Variants in THSD4 observed in about 807,000 individuals in gnomAD.
The protein encoded by THSD4 is thrombospondin type 1 domain containing 4.
THSD4 carries 69 observed loss-of-function variants against 119.0 expected under a neutral mutation model. The observed-to-expected ratio is 0.58, with a 90% CI of 0.48 to 0.71. The LOEUF (loss-of-function observed/expected upper bound fraction) is 0.71, where lower values mean the gene tolerates loss of function less well. THSD4 is among the 30% of genes least tolerant of loss of function. THSD4 has a pLI of 0.00. For synonymous variants in THSD4, 524 were observed against 540.4 expected (o/e 0.97, Z 0.42); for missense variants, 1,393 against 1,391.1 (o/e 1.00, Z -0.02).
At chr15:71,305,842 A>G (rs1454603052) in intron 6 of THSD4, among the ~76,000 whole-genome samples, 2 of 152,140 alleles carry the variant, frequency 1.3e-5, no homozygotes, top group East Asian at 3.9e-4. Flanking sequence ...AGCCCACTCC[A>G]AATCTATCCT....
intron 6 of THSD4, among the ~76,000 whole-genome samples, chr15:71,403,307 A>G (rs563295459): frequency 1.3e-5 from 2 of 152,304 alleles, no homozygotes; most frequent in South Asian, 4.1e-4. Flanking sequence ...ATTTTCTCCT[A>G]AGGATTGATA....
At chr15:71,772,896 G>A (rs1206838956) in intron 17 of THSD4, among the ~76,000 whole-genome samples, 1 of 152,088 alleles carries the variant, frequency 6.6e-6, no homozygotes, top group Non-Finnish European at 1.5e-5. Context: ...AGAGAAAACA[G>A]TCTGTAAAAA....
intron 7 of THSD4, among the ~76,000 whole-genome samples, chr15:71,551,358 T>A (rs2048925320): frequency 6.6e-6 from 1 of 152,162 alleles, no homozygotes; most frequent in African/African-American, 2.4e-5. Flanking sequence ...AAACAGTGAA[T>A]GATCATGCAA....
chr15:71,375,665 ATAAGT>A (rs547503786), intron 6 of THSD4, among the ~76,000 whole-genome samples: 124 of 152,292 alleles, frequency 8.1e-4, no homozygotes, highest in Middle Eastern at 3.4e-3. Context: ...GCCTTGAAAG[ATAAGT>A]TAAGAACAAG....
intron 9 of THSD4, chr15:71,730,752 A>ACGCC (rs1227423559): frequency 2.1e-5 from 4 of 186,272 alleles, no homozygotes; most frequent in Non-Finnish European, 4.6e-5. Context: ...CCTAGTGTTA[A>ACGCC]AACAGTTCTC....
At chr15:71,339,714 T>C (rs527422168) in intron 6 of THSD4, among the ~76,000 whole-genome samples, 2 of 152,252 alleles carry the variant, frequency 1.3e-5, no homozygotes, top group Non-Finnish European at 2.9e-5. Context: ...ATAGGGATGT[T>C]ATGAGGATTA....
chr15:71,713,418 C>T (rs997403087), intron 8 of THSD4, among the ~76,000 whole-genome samples: 1 of 152,188 alleles, frequency 6.6e-6, no homozygotes, highest in African/African-American at 2.4e-5. Context: ...CCGCCCACAC[C>T]TATGTTGCTG....
At chr15:71,244,773 C>T (rs1297389206) in intron 5 of THSD4, among the ~76,000 whole-genome samples, 2 of 152,182 alleles carry the variant, frequency 1.3e-5, no homozygotes, top group Non-Finnish European at 2.9e-5. Context: ...CAGACATGCC[C>T]TTGTTCCTGA....
chr15:71,196,423 G>A (rs976591556), intron 3 of THSD4, among the ~76,000 whole-genome samples: 7 of 152,130 alleles, frequency 4.6e-5, no homozygotes, highest in Admixed American at 2.0e-4. Flanking sequence ...ATCCAAATTA[G>A]GGGAATTATA....
At chr15:71,395,644 G>A (rs1335488973) in intron 6 of THSD4, among the ~76,000 whole-genome samples, 1 of 152,080 alleles carries the variant, frequency 6.6e-6, no homozygotes, top group African/African-American at 2.4e-5. Flanking sequence ...AGGAGGCTGA[G>A]GCAGGAGAAT....
At chr15:71,717,446 G>T (rs1442533875) in intron 8 of THSD4, among the ~76,000 whole-genome samples, 1 of 152,126 alleles carries the variant, frequency 6.6e-6, no homozygotes, top group Non-Finnish European at 1.5e-5. Context: ...GGGACTGATG[G>T]TGGTGGAATC....
chr15:71,346,685 C>G (rs1489423434), intron 6 of THSD4, among the ~76,000 whole-genome samples: 2 of 152,028 alleles, frequency 1.3e-5, no homozygotes, highest in Non-Finnish European at 2.9e-5. Context: ...ATAAATGTAC[C>G]TGTTGCTCTT....
At chr15:71,272,552 T>C (rs4327002) in intron 6 of THSD4, among the ~76,000 whole-genome samples, 149,101 of 152,238 alleles carry the variant, frequency 0.98, 73,087 homozygotes, top group East Asian at 1. Flanking sequence ...AAATTAAAAC[T>C]ACAATAAGCT....
intron 7 of THSD4, among the ~76,000 whole-genome samples, chr15:71,515,401 G>A (rs772981861): frequency 2.6e-5 from 4 of 152,054 alleles, no homozygotes; most frequent in Admixed American, 6.6e-5. Context: ...AAAAATTGGA[G>A]GAGCCAGAAA....
chr15:71,570,403 CT>C (rs1173843367), intron 7 of THSD4, among the ~76,000 whole-genome samples: 19 of 70,016 alleles, frequency 2.7e-4, no homozygotes, highest in African/African-American at 6.0e-4. Context: ...CTCAGATATA[CT>C]TTTTTTTTCT....
intron 7 of THSD4, among the ~76,000 whole-genome samples, chr15:71,511,236 G>C (rs1487365701): frequency 6.6e-6 from 1 of 152,200 alleles, no homozygotes; most frequent in African/African-American, 2.4e-5. Context: ...AGTTGGTCTT[G>C]AGGGACGTTT....
At chr15:71,738,167 G>A (rs2053161714) in intron 11 of THSD4, 160 bp downstream of exon 11, 4 of 946,228 alleles carry the variant, frequency 4.2e-6, no homozygotes, top group East Asian at 2.6e-5. Flanking sequence ...ATGGTTTCTG[G>A]GTGAAACTGC....
intron 6 of THSD4, among the ~76,000 whole-genome samples, chr15:71,283,033 A>G (rs8027253): frequency 0.73 from 108,449 of 148,830 alleles, 39,980 homozygotes; most frequent in East Asian, 0.86. Context: ...GCAGTGGCAC[A>G]ATCTCGGCTC....
At chr15:71,581,352 G>A (rs2049554499) in intron 7 of THSD4, among the ~76,000 whole-genome samples, 2 of 152,086 alleles carry the variant, frequency 1.3e-5, no homozygotes, top group African/African-American at 2.4e-5. Context: ...TCATTTGTAT[G>A]CCTTACTTTG....
Sources: allele counts gnomAD v4.1 joint callset (sites outside exome capture counted in the v4.1 genomes callset), GRCh38; gene constraint gnomAD v4.1.1; transcripts MANE v1.5; gene names NCBI Gene and HGNC (gene_info 2026-07-23, HGNC 2026-07-21).